LRP1B: variants seen among roughly 807,000 people sequenced by gnomAD.
The protein encoded by LRP1B is LDL receptor related protein 1B.
LRP1B carries 217 observed loss-of-function variants against 556.6 expected under a neutral mutation model. That is an observed-to-expected ratio of 0.39 (90% CI 0.35 to 0.44). The LOEUF is 0.44. Ranked by LOEUF, LRP1B falls within the 20% of genes least tolerant of loss-of-function variation. LRP1B has a pLI of 1.00. For missense variants in LRP1B, 5,053 were observed against 5,620.8 expected, an observed-to-expected ratio of 0.90 and a Z score of 3.23; for synonymous variants, 2,047 against 1,865.8, an observed-to-expected ratio of 1.10 and a Z score of -2.50.
At chr2:141,290,198 A>G (rs1288982885) in intron 3 of LRP1B, among the ~76,000 whole-genome samples, 1 of 152,176 alleles carries the variant, frequency 6.6e-6, no homozygotes, top group Non-Finnish European at 1.5e-5. Context: ...TCTATATTTA[A>G]AGAGCAATAG....
At chr2:140,305,436 C>A (rs1684024796) in intron 83 of LRP1B, among the ~76,000 whole-genome samples, 1 of 152,120 alleles carries the variant, frequency 6.6e-6, no homozygotes, top group Admixed American at 6.6e-5. Flanking sequence ...TGGGAGTTCA[C>A]TCATGATTTG....
In LRP1B at chr2:140,237,380, C is replaced by A. The variant is rs150065743; in HGVS notation, c.13560+772G>T. Among the ~76,000 whole-genome samples, 131 of 150,888 alleles carry A rather than the reference C, an allele frequency of 8.7e-4. 1 individual carries two copies. The East Asian group carries it at 0.017, about 19-fold the overall frequency. ...ATGGCTGAATAGCATTTTCTTTATT[C>A]ATTGTTGATGCACACTTAGGTTGAT... is the stretch of plus-strand genomic sequence containing the variant. On this transcript the variant is annotated intron_variant, in intron 89 of 90. Coordinates refer to ENST00000389484, the MANE Select transcript of LRP1B (RefSeq NM_018557.3).
intron 1 of LRP1B, among the ~76,000 whole-genome samples, chr2:141,878,364 A>T (rs1325801295): frequency 6.6e-6 from 1 of 151,884 alleles, no homozygotes; most frequent in Non-Finnish European, 1.5e-5. Flanking sequence ...ACCGGCAAAA[A>T]ATAACAACAA....
intron 82 of LRP1B, among the ~76,000 whole-genome samples, chr2:140,320,893 A>C (rs1480154039): frequency 1.3e-5 from 2 of 151,940 alleles, no homozygotes; most frequent in East Asian, 3.9e-4. Context: ...AAATACACAC[A>C]CACACACACA....
At position 140,247,098 on chromosome 2, in the gene LRP1B, G is replaced by A. The variant is rs1455032166; in HGVS notation, c.13312C>T (p.His4438Tyr). ...CTGAGAAACTTACTTGTGCTGATAT[G>A]ATCAGACTTGCTGCTCTTTGGGGCT... ...RPAPKSSKSD[H>Y]ISTRSIAIIV... Residue 4438 changes from histidine to tyrosine, a missense_variant, in exon 87 of 91, where the codon CAT (histidine) becomes TAT (tyrosine). His to Tyr is a moderately conservative substitution (Grantham distance 83, BLOSUM62 2). Around this residue, in one of 5 missense-constraint regions of LRP1B, gnomAD observed 551 missense variants for 592.0 expected, o/e 0.93. Transcript: ENST00000389484. The A allele has an allele frequency of 6.2e-7, 1 of 1,608,690 alleles. No homozygotes were observed. The highest frequency in any genetic ancestry group is 1.7e-5 in the Admixed American group (1 of 59,664).
intron 7 of LRP1B, among the ~76,000 whole-genome samples, chr2:141,109,588 G>A (rs1364119927): frequency 6.7e-6 from 1 of 150,214 alleles, no homozygotes; most frequent in Non-Finnish European, 1.5e-5. Flanking sequence ...AGACTAGTAG[G>A]AAAGAAGGAA....
Position 140,495,794 on chromosome 2 carries a change from G to C in LRP1B, c.8851-46C>G, listed in dbSNP as rs770017401. 3 of 1,486,518 alleles carry C rather than the reference G, an allele frequency of 2.0e-6. No individual in the cohort carries two copies. In the Admixed American group the frequency reaches 5.4e-5, roughly 27 times the overall value. The allele number at this position is 1,486,518 out of a possible 1,614,324, so 92.1% of individuals were successfully genotyped here. A position where few individuals can be genotyped will look rare whatever the true frequency, so the allele number is the denominator to read the frequency against. On this transcript the variant is annotated intron_variant, in intron 55 of 90. Coordinates refer to ENST00000389484, the MANE Select transcript of LRP1B (RefSeq NM_018557.3). ...ATAATCAATTCATATCATTGTCACT[G>C]TCTTTTACTTTTGGATATCTCTTTA...
rs561832441 is a variant in LRP1B at position 140,778,145 on chromosome 2, C to A, written c.5360-1907G>T. On this transcript the variant is annotated intron_variant, in intron 32 of 90. Transcript: ENST00000389484. ...AAAATGAAAAGTGCATAAGGTCCTT[C>A]TGCTGCCTACCAACATACAGTTGCC... is the stretch of plus-strand genomic sequence containing the variant. Among the ~76,000 whole-genome samples, 12 of 152,288 alleles carry A rather than the reference C, an allele frequency of 7.9e-5. No individual in the cohort carries two copies. In the East Asian group the frequency reaches 1.5e-3, roughly 20 times the overall value.
intron 7 of LRP1B, among the ~76,000 whole-genome samples, chr2:141,067,561 C>T (rs914007117): frequency 6.6e-6 from 1 of 151,958 alleles, no homozygotes; most frequent in African/African-American, 2.4e-5. Flanking sequence ...CAAAAGTGTA[C>T]GTGTATTGGA....
At chr2:140,831,906 T>C (rs1443590224) in intron 31 of LRP1B, among the ~76,000 whole-genome samples, 1 of 152,078 alleles carries the variant, frequency 6.6e-6, no homozygotes, top group Admixed American at 6.5e-5. Context: ...GGCCAACAGA[T>C]ATATGAAAAA....
intron 86 of LRP1B, among the ~76,000 whole-genome samples, chr2:140,266,275 CCTAA>C (rs1682200398): frequency 6.6e-6 from 1 of 151,982 alleles, no homozygotes; most frequent in African/African-American, 2.4e-5. Context: ...ACAATGGCCA[CCTAA>C]CTGAGAAATC....
intron 3 of LRP1B, among the ~76,000 whole-genome samples, chr2:141,343,285 C>G (rs1005522259): frequency 1.3e-5 from 2 of 152,132 alleles, no homozygotes; most frequent in Admixed American, 6.5e-5. Context: ...CTTAACATAC[C>G]CAGTCTTTCC....
intron 77 of LRP1B, among the ~76,000 whole-genome samples, chr2:140,347,246 T>A (rs1277751851): frequency 6.6e-6 from 1 of 151,854 alleles, no homozygotes. Context: ...TTGCCTTATG[T>A]ACAGATTAAA....
intron 7 of LRP1B, among the ~76,000 whole-genome samples, chr2:141,095,763 C>T (rs1700282417): frequency 6.6e-6 from 1 of 152,114 alleles, no homozygotes; most frequent in Non-Finnish European, 1.5e-5. Context: ...TGCCATCCAG[C>T]TGCCCTTTGG....
intron 7 of LRP1B, among the ~76,000 whole-genome samples, chr2:141,154,676 G>A (rs904251749): frequency 1.3e-5 from 2 of 151,588 alleles, no homozygotes; most frequent in Admixed American, 1.3e-4. Flanking sequence ...CAACAATAAA[G>A]TTCAACACTC....
At chr2:141,141,225 C>T (rs1251607987) in intron 7 of LRP1B, among the ~76,000 whole-genome samples, 13 of 152,012 alleles carry the variant, frequency 8.6e-5, no homozygotes, top group Admixed American at 5.2e-4. Context: ...CAAATCAGAT[C>T]GGATTAATAG....
At chr2:140,391,871 T>G (rs1684037548) in intron 66 of LRP1B, among the ~76,000 whole-genome samples, 1 of 152,220 alleles carries the variant, frequency 6.6e-6, no homozygotes, top group Non-Finnish European at 1.5e-5. Flanking sequence ...AGAATTATTC[T>G]ATTATTTATG....
intron 2 of LRP1B, among the ~76,000 whole-genome samples, chr2:141,614,447 C>T (rs11900601): frequency 0.061 from 9,259 of 152,146 alleles, 946 homozygotes; most frequent in African/African-American, 0.21. Flanking sequence ...AATTCCTAAT[C>T]CTGCCTGGTA....
intron 7 of LRP1B, among the ~76,000 whole-genome samples, chr2:141,096,629 G>GAGAGGGAGAGAGAGAGAGAGAGA (rs1558858138): frequency 1.7e-5 from 1 of 59,744 alleles, no homozygotes; most frequent in African/African-American, 7.3e-5. Flanking sequence ...GGGGAGAGGG[G>GAGAGGGAGAGAGAGAGAGAGAGA]GAGAGAGAGA....
Sources: gnomAD v4.1 joint callset for allele counts (sites outside exome capture counted in the v4.1 genomes callset) on GRCh38, gnomAD v4.1.1 for gene constraint, gnomAD v4.1.1 regional missense constraint, MANE v1.5 for transcripts, NCBI Gene and HGNC (gene_info 2026-07-23, HGNC 2026-07-21) for gene names.